SORBS2: variants seen among roughly 807,000 people sequenced by gnomAD.
SORBS2 encodes sorbin and SH3 domain-containing protein 2.
Under a neutral mutation model 97.7 loss-of-function variants are expected in SORBS2, and 46 were observed. The observed-to-expected ratio is 0.47, with a 90% CI of 0.37 to 0.60. SORBS2 has a LOEUF of 0.60. SORBS2 is among the 20% of genes least tolerant of loss of function. SORBS2 has a pLI of 0.00. For synonymous variants in SORBS2, 476 were observed against 473.4 expected (o/e 1.01, Z -0.07); for missense variants, 1,316 against 1,282.3 (o/e 1.03, Z -0.40).
intron 4 of SORBS2, among the ~76,000 whole-genome samples, chr4:185,639,375 C>T (rs1233790836): frequency 1.3e-5 from 2 of 152,146 alleles, no homozygotes; most frequent in East Asian, 1.9e-4. Flanking sequence ...AGAGAAAAAG[C>T]CAGTTTTATA....
intron 2 of SORBS2, among the ~76,000 whole-genome samples, chr4:185,698,989 C>T (rs1003381629): frequency 4.6e-5 from 7 of 152,006 alleles, no homozygotes; most frequent in Admixed American, 3.9e-4. Context: ...TGTTAATTCA[C>T]TGTTCTTAAA....
intron 1 of SORBS2, among the ~76,000 whole-genome samples, chr4:185,842,073 G>C (rs568879272): frequency 8.1e-4 from 123 of 152,324 alleles, no homozygotes; most frequent in Non-Finnish European, 1.4e-3. Context: ...TTATCTCCTA[G>C]AAGGAGAAAT....
intron 2 of SORBS2, among the ~76,000 whole-genome samples, chr4:185,764,778 T>A (rs1258707068): frequency 6.6e-6 from 1 of 152,142 alleles, no homozygotes; most frequent in Non-Finnish European, 1.5e-5. Context: ...GAGAATAATA[T>A]AACAAATGTC....
chr4:185,623,159 T>C lies in SORBS2; in HGVS notation c.1970A>G (p.Asp657Gly). ...GATGAGGCGGTGCAGGATGCTGTTG[T>C]CCGGCAAGCTCCCCCTTTTCTTTTC... Residue 657 changes from aspartate to glycine, a missense_variant, in exon 7 of 15, where the codon GAC becomes GGC. Physicochemically the swap from Asp to Gly is moderately conservative, Grantham distance 94. Coordinates refer to ENST00000418609, the Ensembl canonical transcript of SORBS2. The surrounding 1 kb of genome is among the most constrained non-coding windows in gnomAD (Gnocchi z 6.4). 6.2e-7 allele frequency: 1 copy of C among 1,614,160 alleles called. No homozygotes were observed. The highest frequency in any genetic ancestry group is 2.2e-5 in the East Asian group (1 of 44,882).
chr4:185,826,072 G>C (rs2153671780), intron 1 of SORBS2, among the ~76,000 whole-genome samples: 1 of 152,294 alleles, frequency 6.6e-6, no homozygotes. Context: ...CAAAATCTAA[G>C]TGGAGAAGCA....
intron 1 of SORBS2, among the ~76,000 whole-genome samples, chr4:185,953,036 C>T (rs560419559): frequency 2.6e-5 from 4 of 152,328 alleles, no homozygotes; most frequent in South Asian, 4.1e-4. Context: ...TTTCCCAGGC[C>T]GGGCGCGGTG....
chr4:185,846,721 C>A (rs111399434), intron 1 of SORBS2, among the ~76,000 whole-genome samples: 2 of 152,130 alleles, frequency 1.3e-5, no homozygotes, highest in South Asian at 2.1e-4. Context: ...GAATAGGAAG[C>A]GGGTGCTTCT....
chr4:185,804,082 A>G (rs941096876), intron 1 of SORBS2, among the ~76,000 whole-genome samples: 22 of 152,348 alleles, frequency 1.4e-4, no homozygotes, highest in African/African-American at 4.8e-4. Context: ...GATGACTTAA[A>G]AAGGATTGCT....
chr4:185,605,967 T>C (rs1272034966), intron 12 of SORBS2: 3 of 307,964 alleles, frequency 9.7e-6, no homozygotes, highest in African/African-American at 4.5e-5. Flanking sequence ...AACATGAAGA[T>C]ACAGTACCCA....
At chr4:185,852,911 T>C (rs1307743941) in intron 1 of SORBS2, among the ~76,000 whole-genome samples, 1 of 152,224 alleles carries the variant, frequency 6.6e-6, no homozygotes, top group African/African-American at 2.4e-5. Context: ...GGTCTCTGTT[T>C]GACCCCTTGG....
At chr4:185,769,973 ACTG>A (rs2098960274) in intron 2 of SORBS2, among the ~76,000 whole-genome samples, 1 of 138,990 alleles carries the variant, frequency 7.2e-6, no homozygotes, top group Non-Finnish European at 1.6e-5. Context: ...AGTAAAGGGC[ACTG>A]TACACTGTAT....
intron 1 of SORBS2, among the ~76,000 whole-genome samples, chr4:185,895,189 G>A (rs1259026621): frequency 3.9e-5 from 6 of 152,234 alleles, no homozygotes; most frequent in Non-Finnish European, 8.8e-5. Flanking sequence ...TCTTATGAGT[G>A]ACAGGGCAAG....
chr4:185,799,491 A>T (rs2099120557), intron 1 of SORBS2, among the ~76,000 whole-genome samples: 1 of 152,242 alleles, frequency 6.6e-6, no homozygotes, highest in Non-Finnish European at 1.5e-5. Flanking sequence ...GACGAGCATT[A>T]GAGTCCCGCT....
At chr4:185,744,816 A>G (rs1435181894) in intron 2 of SORBS2, among the ~76,000 whole-genome samples, 1 of 152,242 alleles carries the variant, frequency 6.6e-6, no homozygotes, top group African/African-American at 2.4e-5. Context: ...CCTGGCTCCT[A>G]CCATTCAGAC....
At chr4:185,611,825 G>T (rs761547294) in exon 12 of SORBS2, 1 of 1,614,028 alleles carries the variant, frequency 6.2e-7, no homozygotes, top group Non-Finnish European at 8.5e-7. Flanking sequence ...AATAGCTGTG[G>T]GGTATTGGAG....
At chr4:185,770,797 CAATT>C (rs1475766778) in intron 2 of SORBS2, among the ~76,000 whole-genome samples, 44 of 151,966 alleles carry the variant, frequency 2.9e-4, no homozygotes, top group Admixed American at 2.6e-3. Context: ...CTCTGACAGT[CAATT>C]AAGCACAAAA....
At chr4:185,940,107 G>A (rs1291939676) in intron 1 of SORBS2, among the ~76,000 whole-genome samples, 1 of 152,126 alleles carries the variant, frequency 6.6e-6, no homozygotes, top group Non-Finnish European at 1.5e-5. Flanking sequence ...AGAGAATGTA[G>A]GCATGCTTCA....
intron 1 of SORBS2, among the ~76,000 whole-genome samples, chr4:185,949,809 A>G (rs573051432): frequency 2.6e-5 from 4 of 152,190 alleles, no homozygotes; most frequent in Non-Finnish European, 5.9e-5. Context: ...TATAACTGAC[A>G]ACAATAGCAT....
At chr4:185,691,896 C>T (rs775301690) in intron 2 of SORBS2, among the ~76,000 whole-genome samples, 3 of 152,328 alleles carry the variant, frequency 2.0e-5, no homozygotes, top group South Asian at 2.1e-4. Flanking sequence ...AGGCACCCGC[C>T]ACCACGCTCG....
Sources: allele counts gnomAD v4.1 joint callset (sites outside exome capture counted in the v4.1 genomes callset), GRCh38; gene constraint gnomAD v4.1.1; non-coding constraint Gnocchi (gnomAD v3.1); transcripts MANE v1.5; gene names NCBI Gene and HGNC (gene_info 2026-07-23, HGNC 2026-07-21).